The following SLC16A6 variants were observed in gnomAD, a reference collection of about 807,000 sequenced individuals.
SLC16A6 encodes the protein solute carrier family 16 member 6.
SLC16A6 carries 15 observed loss-of-function variants against 33.8 expected under a neutral mutation model. That is an observed-to-expected ratio of 0.44 (90% CI 0.30 to 0.68). The LOEUF (loss-of-function observed/expected upper bound fraction) is 0.68. SLC16A6 is among the 30% of genes least tolerant of loss of function. The pLI is 0.10. For synonymous variants in SLC16A6, 219 were observed against 248.4 expected (o/e 0.88, Z 1.11); for missense variants, 451 against 661.5 (o/e 0.68, Z 3.49).
At position 68,271,218 on chromosome 17, in the gene SLC16A6, G is replaced by A. The variant is rs782409393; in HGVS notation, c.942C>T (p.Tyr314=). 5.6e-6 allele frequency: 9 copies of A among 1,613,958 alleles called. No individual in the cohort carries two copies. The highest frequency in any genetic ancestry group is 3.3e-4 in the Middle Eastern group (2 of 6,084). The change falls in exon 5 of 6, where the codon TAC becomes TAT. Residue 314 remains tyrosine, a synonymous_variant. Transcript: ENST00000580666. The surrounding 1 kb of genome is among the most constrained non-coding windows in gnomAD (Gnocchi z 5.3). ...CCAGACTAATGCCCAGAGGAATGAT[G>A]TACAAGGAAGGTGCAAAGAATCCCA... ...ATLGFFAPSL[Y]IIPLGISLGI... is the part of the protein sequence containing the mutation.
At chr17:68,273,774 G>A in intron 3 of SLC16A6, 153 bp downstream of exon 3, 1 of 870,532 alleles carries the variant, frequency 1.1e-6, no homozygotes, top group Non-Finnish European at 1.7e-6. Context: ...AGTCCATATA[G>A]CTCAGTTCAA....
At position 68,275,124 on chromosome 17, in the gene SLC16A6, T is replaced by G. The variant is rs183319975; in HGVS notation, c.233-1054A>C. ...ATGAAAGAATGTGAATTCTAAGTTA[T>G]GCACTCCTGAAGGAGAGTTGCTATG... On this transcript the variant is annotated intron_variant, in intron 2 of 5. Coordinates refer to ENST00000580666, the MANE Select transcript of SLC16A6 (RefSeq NM_004694.5). Among the ~76,000 whole-genome samples the G allele has an allele frequency of 3.3e-5, 5 of 152,358 alleles. No individual in the cohort carries two copies. The East Asian group carries it at 5.8e-4, about 18-fold the overall frequency.
At chr17:68,273,782 C>G (rs764747709) in intron 3 of SLC16A6, 145 bp downstream of exon 3, 30 of 1,018,066 alleles carry the variant, frequency 2.9e-5, no homozygotes, top group Non-Finnish European at 3.8e-5. Flanking sequence ...TAGCTCAGTT[C>G]AAAACTACTG....
chr17:68,290,343 C>T (rs1228596839), intron 1 of SLC16A6, among the ~76,000 whole-genome samples: 7 of 152,192 alleles, frequency 4.6e-5, no homozygotes, highest in Admixed American at 4.6e-4. Context: ...AAAGAAAAGA[C>T]GACAACAACC....
At chr17:68,279,175 G>T (rs1382749842) in intron 1 of SLC16A6, among the ~76,000 whole-genome samples, 2 of 152,062 alleles carry the variant, frequency 1.3e-5, no homozygotes, top group Non-Finnish European at 2.9e-5. Flanking sequence ...TGACCATAAG[G>T]AATGTTGATC....
At chr17:68,278,041 A>T in intron 2 of SLC16A6, 48 bp downstream of exon 2, 1 of 1,305,042 alleles carries the variant, frequency 7.7e-7, no homozygotes, top group Non-Finnish European at 1.1e-6. Flanking sequence ...TAGCCAAATT[A>T]AAAGGGCCCT....
chr17:68,288,425 A>T (rs1297717740), intron 1 of SLC16A6, among the ~76,000 whole-genome samples: 2 of 152,078 alleles, frequency 1.3e-5, no homozygotes, highest in Non-Finnish European at 2.9e-5. Flanking sequence ...CAGAATATAA[A>T]AGTTTATCTG....
chr17:68,285,092 T>C (rs1555753988), intron 1 of SLC16A6, among the ~76,000 whole-genome samples: 1 of 152,146 alleles, frequency 6.6e-6, no homozygotes, highest in Non-Finnish European at 1.5e-5. Context: ...ATGATGATGC[T>C]AAGGAAAATG....
intron 1 of SLC16A6, among the ~76,000 whole-genome samples, chr17:68,279,129 C>G (rs1237303838): frequency 1.3e-5 from 2 of 152,016 alleles, no homozygotes; most frequent in Non-Finnish European, 1.5e-5. Flanking sequence ...TAATGCTGAC[C>G]TTGAAGGACT....
rs2075590224 is a variant in SLC16A6, at chr17:68,278,316, G to A, written c.5C>T (p.Thr2Ile). Residue 2 changes from threonine to isoleucine, a missense_variant, in exon 2 of 6, where the codon ACC becomes ATC. Transcript: ENST00000580666. ...GGAACAAAGCTTTAATTTATTTTGG[G>A]TCATTCTTAATCTGAAAGAAAAAGT... M[T>I]QNKLKLCSKA... The A allele has an allele frequency of 6.2e-7, 1 of 1,612,178 alleles. No individual in the cohort carries two copies. Among genetic ancestry groups the A allele is most frequent in the Non-Finnish European group, 8.5e-7 (1 of 1,178,876 alleles).
chr17:68,280,855 G>T (rs113785057), intron 1 of SLC16A6, among the ~76,000 whole-genome samples: 280 of 152,256 alleles, frequency 1.8e-3, no homozygotes, highest in Non-Finnish European at 3.3e-3. Flanking sequence ...GCCAGATGTA[G>T]TGTGTCACGC....
intron 1 of SLC16A6, among the ~76,000 whole-genome samples, chr17:68,289,340 T>C (rs1386709458): frequency 1.3e-5 from 2 of 152,170 alleles, no homozygotes; most frequent in African/African-American, 4.8e-5. Flanking sequence ...GGAAATCCGC[T>C]ATCCTTGGGA....
intron 1 of SLC16A6, among the ~76,000 whole-genome samples, chr17:68,282,779 T>TAAAAAAAAAAAAAAAAAAAAAAAAAAAAA (rs36155626): frequency 1.9e-5 from 1 of 53,398 alleles, no homozygotes; most frequent in African/African-American, 9.3e-5. Flanking sequence ...CCATCTCTAC[T>TAAAAAAAAAAAAAAAAAAAAAAAAAAAAA]AAAAAAAAAA....
intron 1 of SLC16A6, among the ~76,000 whole-genome samples, chr17:68,285,256 A>C (rs945382914): frequency 6.6e-6 from 1 of 152,218 alleles, no homozygotes; most frequent in African/African-American, 2.4e-5. Context: ...GAAGGTCTTA[A>C]GAGTTTTAAT....
chr17:68,276,085 TTC>T (rs1187550733), intron 2 of SLC16A6, among the ~76,000 whole-genome samples: 2 of 151,894 alleles, frequency 1.3e-5, no homozygotes, highest in East Asian at 1.9e-4. Context: ...CAAGATAAAT[TTC>T]TCTCTCTCTC....
At chr17:68,286,382 T>C (rs1233359524) in intron 1 of SLC16A6, among the ~76,000 whole-genome samples, 1 of 152,242 alleles carries the variant, frequency 6.6e-6, no homozygotes, top group Non-Finnish European at 1.5e-5. Flanking sequence ...TGTAAAATCT[T>C]ACTCATTTTG....
intron 2 of SLC16A6, 106 bp downstream of exon 2, chr17:68,277,983 T>C (rs2075578620): frequency 2.8e-6 from 2 of 717,346 alleles, no homozygotes; most frequent in East Asian, 5.4e-5. Flanking sequence ...CCAACAGGCG[T>C]ATAAGGGAAT....
intron 1 of SLC16A6, among the ~76,000 whole-genome samples, chr17:68,284,478 C>G (rs1161602043): frequency 6.6e-6 from 1 of 152,142 alleles, no homozygotes. Flanking sequence ...TTTTCAGGGT[C>G]AGGGTGCATT....
rs1334006169 is a variant in SLC16A6, at chr17:68,267,205, G to A, written c.*1891C>T. The A allele has an allele frequency of 6.6e-6, 1 of 152,178 alleles. No individual in the cohort carries two copies. The highest frequency in any genetic ancestry group is 1.9e-4 in the East Asian group (1 of 5,202). The allele number at this position is 152,178 out of a possible 1,614,324, so 9.4% of individuals were successfully genotyped here. A position where few individuals can be genotyped will look rare whatever the true frequency, so the allele number is the denominator to read the frequency against. Reference sequence around the variant, plus strand: ...ATGCAGATAACAGAATAGACATGGAGCAGATCCCTCAGAAATCAGTTATAA... The same window carrying A: ...ATGCAGATAACAGAATAGACATGGAACAGATCCCTCAGAAATCAGTTATAA... On this transcript the variant is annotated 3_prime_UTR_variant, in exon 6 of 6. Transcript: ENST00000580666.
Sources: gnomAD v4.1 joint callset for allele counts (sites outside exome capture counted in the v4.1 genomes callset) on GRCh38, gnomAD v4.1.1 for gene constraint, Gnocchi (gnomAD v3.1) non-coding constraint, MANE v1.5 for transcripts, NCBI Gene and HGNC (gene_info 2026-07-23, HGNC 2026-07-21) for gene names.